The following PSMF1 variants were observed in gnomAD, a reference collection of about 807,000 sequenced individuals.
The protein encoded by PSMF1 is proteasome inhibitor PI31 subunit.
PSMF1 carries 30 observed loss-of-function variants against 29.3 expected under a neutral mutation model. The ratio of observed to expected loss-of-function variants is 1.02; its 90% CI spans 0.77 to 1.39. PSMF1 has a LOEUF of 1.39. Among genes scored for constraint, PSMF1 ranks in the 40% most tolerant of loss-of-function variants. PSMF1 has a pLI of 0.00. For missense variants in PSMF1, 344 were observed against 357.5 expected, an observed-to-expected ratio of 0.96 and a Z score of 0.31; for synonymous variants, 134 against 139.7, an observed-to-expected ratio of 0.96 and a Z score of 0.29.
Position 1,169,372 on chromosome 20 carries a change from G to A in PSMF1, c.*4292G>A, listed in dbSNP as rs1405251258. Reference sequence around the variant, plus strand: ...TGGTAGTGCCCATGGGAGGTGCGAAGTGGAAGGCCCAGCCCTTGCTTGGAG... The same window carrying A: ...TGGTAGTGCCCATGGGAGGTGCGAAATGGAAGGCCCAGCCCTTGCTTGGAG... On this transcript the variant is annotated 3_prime_UTR_variant, in exon 7 of 7. Coordinates refer to ENST00000335877, the MANE Select transcript of PSMF1 (RefSeq NM_006814.5). Among the ~76,000 whole-genome samples the A allele has an allele frequency of 6.6e-6, 1 of 152,208 alleles. No homozygotes were observed. Among genetic ancestry groups the A allele is most frequent in the Non-Finnish European group, 1.5e-5 (1 of 68,038 alleles).
At chr20:1,142,148 G>T (rs920007153) in intron 4 of PSMF1, among the ~76,000 whole-genome samples, 3 of 152,206 alleles carry the variant, frequency 2.0e-5, no homozygotes, top group African/African-American at 7.2e-5. Context: ...CTTGAACCCA[G>T]GAGGCAGAGG....
In PSMF1 at chr20:1,118,703, G is replaced by C; in HGVS notation, c.-71G>C. 2.0e-6 allele frequency: 3 copies of C among 1,511,532 alleles called. No homozygotes were observed. The highest frequency in any genetic ancestry group is 2.7e-6 in the Non-Finnish European group (3 of 1,113,462). 93.6% of individuals were successfully genotyped at this position (1,511,532 alleles called of 1,614,324 possible). A position where few individuals can be genotyped will look rare whatever the true frequency, so the allele number is the denominator to read the frequency against. On this transcript the variant is annotated 5_prime_UTR_variant, in exon 1 of 7. Transcript: ENST00000335877. ...AGGGAAGCAGAGTTATAGCTACCCCGGCCGCGGAGCCGGCTCACTGCACTA... is the reference window on the plus strand; with the variant it reads ...AGGGAAGCAGAGTTATAGCTACCCCCGCCGCGGAGCCGGCTCACTGCACTA...
intron 3 of PSMF1, among the ~76,000 whole-genome samples, chr20:1,131,080 C>T (rs547653694): frequency 1.5e-4 from 23 of 152,136 alleles, no homozygotes; most frequent in East Asian, 3.9e-4. Flanking sequence ...GGCAGAATGC[C>T]GCGCCTCTGG....
chr20:1,130,056 T>C (rs1479305127), intron 3 of PSMF1, among the ~76,000 whole-genome samples: 1 of 152,158 alleles, frequency 6.6e-6, no homozygotes, highest in Non-Finnish European at 1.5e-5. Flanking sequence ...TTATACTAAA[T>C]TAAATAAGCC....
intron 1 of PSMF1, among the ~76,000 whole-genome samples, chr20:1,121,359 G>T (rs2086085162): frequency 6.6e-6 from 1 of 151,974 alleles, no homozygotes; most frequent in African/African-American, 2.4e-5. Context: ...TGAGTGTTTG[G>T]ATTGCAAACT....
intron 4 of PSMF1, among the ~76,000 whole-genome samples, chr20:1,147,176 T>TCATCATCATCATCACCAC (rs1248666704): frequency 1.5e-5 from 2 of 132,378 alleles, no homozygotes; most frequent in East Asian, 2.0e-4. Flanking sequence ...ATCATCATCA[T>TCATCATCATCATCACCAC]CACCACCCTG....
chr20:1,144,144 A>T (rs777891453), intron 4 of PSMF1, among the ~76,000 whole-genome samples: 2 of 152,168 alleles, frequency 1.3e-5, no homozygotes, highest in Non-Finnish European at 2.9e-5. Flanking sequence ...ACTGAGAAGG[A>T]TGTACAGATG....
At position 1,164,996 on chromosome 20, in the gene PSMF1, A is replaced by T; in HGVS notation, c.765-33A>T. 1 of 1,570,310 alleles carries T rather than the reference A, an allele frequency of 6.4e-7. No individual in the cohort carries two copies. The highest frequency in any genetic ancestry group is 8.8e-7 in the Non-Finnish European group (1 of 1,140,696). On this transcript the variant is annotated intron_variant, in intron 6 of 6. Transcript: ENST00000335877. The surrounding 1 kb of genome is among the most constrained non-coding windows in gnomAD (Gnocchi z 4.1). ...CCCATGTTCCCCTGGTCTCTCCATCACTCCAACTCATCAGCCCCTCTTTCC... is the reference window on the plus strand; with the variant it reads ...CCCATGTTCCCCTGGTCTCTCCATCTCTCCAACTCATCAGCCCCTCTTTCC...
intron 2 of PSMF1, among the ~76,000 whole-genome samples, chr20:1,126,554 T>C (rs1255551262): frequency 6.6e-6 from 1 of 152,138 alleles, no homozygotes; most frequent in African/African-American, 2.4e-5. Flanking sequence ...CCTCTTGGGT[T>C]AGTTTAAGCA....
At chr20:1,126,600 C>T (rs573551037) in intron 2 of PSMF1, among the ~76,000 whole-genome samples, 1 of 152,250 alleles carries the variant, frequency 6.6e-6, no homozygotes, top group Admixed American at 6.5e-5. Flanking sequence ...ATCACCCAGG[C>T]GCAGTGGCTC....
intron 4 of PSMF1, among the ~76,000 whole-genome samples, chr20:1,142,720 G>A (rs1000783285): frequency 1.1e-4 from 17 of 152,232 alleles, no homozygotes; most frequent in Middle Eastern, 3.4e-3. Context: ...GAATAGTGCC[G>A]CAATAAACAT....
At chr20:1,146,386 T>C (rs1195378964) in intron 4 of PSMF1, among the ~76,000 whole-genome samples, 1 of 152,084 alleles carries the variant, frequency 6.6e-6, no homozygotes, top group Admixed American at 6.6e-5. Context: ...CCCTGAACTT[T>C]AGCTGGACAA....
At chr20:1,122,490 G>A (rs916594731) in intron 1 of PSMF1, among the ~76,000 whole-genome samples, 1 of 151,918 alleles carries the variant, frequency 6.6e-6, no homozygotes, top group African/African-American at 2.4e-5. Context: ...AGTAGAGACA[G>A]GGTTTCACCA....
chr20:1,161,312 G>A (rs1158739294), intron 4 of PSMF1: 1 of 313,168 alleles, frequency 3.2e-6, no homozygotes, highest in African/African-American at 2.2e-5. Context: ...ACAGCCAGGT[G>A]ATCACCATTG....
intron 2 of PSMF1, 184 bp from the exon 3 acceptor site, chr20:1,127,242 A>G (rs541694938): frequency 4.4e-5 from 33 of 758,538 alleles, no homozygotes; most frequent in Middle Eastern, 5.1e-4. Context: ...TGGAAAGGCA[A>G]TATTCCTAAA....
chr20:1,163,157 C>G lies in PSMF1; in HGVS notation c.579C>G (p.Val193=), dbSNP rs200198078. 6 of 1,614,074 alleles carry G rather than the reference C, an allele frequency of 3.7e-6. No individual in the cohort carries two copies. In the South Asian group the frequency reaches 6.6e-5, roughly 18 times the overall value. ...PWCDPLGPFV[V]GGEDLDPFGP... is the part of the protein sequence containing the mutation. ...GTGATCCCCTGGGCCCGTTTGTTGT[C>G]GGGGGAGAAGACTTAGACCCTTTTG... is the stretch of plus-strand genomic sequence containing the variant. The change falls in exon 5 of 7, where the codon GTC becomes GTG. Residue 193 remains valine, a synonymous_variant. Transcript: ENST00000335877. This position sits in a 1 kb window ranked among gnomAD's most constrained non-coding sequence, Gnocchi z 6.1.
At chr20:1,157,945 G>A (rs188185150) in intron 4 of PSMF1, among the ~76,000 whole-genome samples, 11 of 152,128 alleles carry the variant, frequency 7.2e-5, no homozygotes, top group Non-Finnish European at 1.2e-4. Context: ...CCTTACCTCC[G>A]TTCTAGAGTA....
chr20:1,134,766 A>C, intron 3 of PSMF1: 1 of 353,920 alleles, frequency 2.8e-6, no homozygotes, highest in Non-Finnish European at 5.5e-6. Flanking sequence ...GACCCTTCCC[A>C]TGACACGTGA....
chr20:1,147,658 A>G (rs1414512326), intron 4 of PSMF1, among the ~76,000 whole-genome samples: 1 of 152,158 alleles, frequency 6.6e-6, no homozygotes, highest in Non-Finnish European at 1.5e-5. Flanking sequence ...TTGACAGCCT[A>G]TCAGATCTCC....
Sources: gnomAD v4.1 joint callset for allele counts (sites outside exome capture counted in the v4.1 genomes callset) on GRCh38, gnomAD v4.1.1 for gene constraint, Gnocchi (gnomAD v3.1) non-coding constraint, MANE v1.5 for transcripts, NCBI Gene and HGNC (gene_info 2026-07-23, HGNC 2026-07-21) for gene names.